Variants in XIRP2 observed in about 807,000 individuals in gnomAD.
XIRP2 encodes the protein xin actin-binding repeat-containing protein 2.
A neutral mutation model predicts 277.0 loss-of-function variants in XIRP2; 236 were observed. That is an observed-to-expected ratio of 0.85 (90% CI 0.77 to 0.95). The LOEUF (loss-of-function observed/expected upper bound fraction) is 0.95. XIRP2 is among the 40% of genes least tolerant of loss of function. XIRP2 has a pLI of 0.00. For missense variants in XIRP2, 4,640 were observed against 4,157.5 expected (o/e 1.12, Z -3.19); for synonymous variants, 1,490 against 1,416.5 (o/e 1.05, Z -1.17).
chr2:166,916,108 A>G (rs1039697842), intron 2 of XIRP2, among the ~76,000 whole-genome samples: 3 of 152,082 alleles, frequency 2.0e-5, no homozygotes, highest in African/African-American at 7.2e-5. Context: ...AGTGTCATTC[A>G]CTCCACTAAT....
chr2:167,028,393 G>A lies in XIRP2; in HGVS notation c.409-107516G>A, dbSNP rs1284576539. Among the ~76,000 whole-genome samples, 5 of 152,118 alleles carry A rather than the reference G, an allele frequency of 3.3e-5. No homozygotes were observed. In the East Asian group the frequency reaches 5.8e-4, roughly 18 times the overall value. On this transcript the variant is annotated intron_variant, in intron 2 of 10. Transcript: ENST00000409195. Reference sequence around the variant, plus strand: ...TCCATTTGTTGAGCAGAAACTAAGAGAAGAGAGCAAAAGTGTCTGCCTGGT... The same window carrying A: ...TCCATTTGTTGAGCAGAAACTAAGAAAAGAGAGCAAAAGTGTCTGCCTGGT...
chr2:166,912,151 G>T (rs1478871079), intron 2 of XIRP2, among the ~76,000 whole-genome samples: 1 of 152,082 alleles, frequency 6.6e-6, no homozygotes, highest in Non-Finnish European at 1.5e-5. Context: ...TTGAATATTG[G>T]CCTGCCTTGC....
chr2:167,131,711 C>T (rs1414505688), intron 2 of XIRP2, among the ~76,000 whole-genome samples: 2 of 152,156 alleles, frequency 1.3e-5, no homozygotes, highest in Non-Finnish European at 2.9e-5. Flanking sequence ...CACTCTCCAT[C>T]ACACTTTATA....
intron 3 of XIRP2, among the ~76,000 whole-genome samples, chr2:167,181,815 A>G (rs1480771562): frequency 6.6e-6 from 1 of 152,104 alleles, no homozygotes; most frequent in African/African-American, 2.4e-5. Flanking sequence ...ATCATTAGAA[A>G]TCCTACTCAG....
rs568615627 is a variant in XIRP2 at position 167,103,014 on chromosome 2, C to T, written c.409-32895C>T. ...AATAGCTGGGCATGGTGGCTCATGC[C>T]TGTAGTCCCAGCTACTTGGAAAGCT... is the stretch of plus-strand genomic sequence containing the variant. On this transcript the variant is annotated intron_variant, in intron 2 of 10. Transcript: ENST00000409195. Among the ~76,000 whole-genome samples, 4 of 152,212 alleles carry T rather than the reference C, an allele frequency of 2.6e-5. No homozygotes were observed. In the East Asian group the frequency reaches 7.7e-4, roughly 29 times the overall value.
chr2:166,948,815 G>A (rs964290522), intron 2 of XIRP2, among the ~76,000 whole-genome samples: 1 of 152,000 alleles, frequency 6.6e-6, no homozygotes, highest in African/African-American at 2.4e-5. Flanking sequence ...CCAACAGAAA[G>A]ACAAGAGAGC....
intron 3 of XIRP2, among the ~76,000 whole-genome samples, chr2:167,164,425 G>A (rs111951583): frequency 0.12 from 14,007 of 117,530 alleles, 725 homozygotes; most frequent in Middle Eastern, 0.29. Context: ...CAGCCTGGGC[G>A]AAAGAGCGAG....
At position 166,934,721 on chromosome 2, in the gene XIRP2, T is replaced by C. The variant is rs144766349; in HGVS notation, c.408+30831T>C. 7.4e-3 allele frequency among the ~76,000 whole-genome samples: 1,120 copies of C among 152,220 alleles called. 9 individuals carry two copies. The highest frequency in any genetic ancestry group is 0.011 in the Non-Finnish European group (776 of 68,004). ...ACCTCTGCCACTTTCCTCTCAAAAA[T>C]GTACAATCAGGCTGGGTGTGGTGGC... On this transcript the variant is annotated intron_variant, in intron 2 of 10. Transcript: ENST00000409195.
intron 2 of XIRP2, among the ~76,000 whole-genome samples, chr2:166,913,321 C>CG (rs891245442): frequency 2.0e-5 from 3 of 151,708 alleles, no homozygotes; most frequent in Non-Finnish European, 4.4e-5. Flanking sequence ...CCCCCCCCCC[C>CG]CAGCCTCGCT....
intron 3 of XIRP2, among the ~76,000 whole-genome samples, chr2:167,208,714 C>G (rs1048593577): frequency 4.6e-5 from 7 of 151,914 alleles, no homozygotes; most frequent in African/African-American, 1.7e-4. Context: ...TGATAAAAAT[C>G]AAATATTTGA....
intron 2 of XIRP2, among the ~76,000 whole-genome samples, chr2:167,026,361 G>A (rs894061212): frequency 1.3e-5 from 2 of 152,064 alleles, no homozygotes; most frequent in African/African-American, 4.8e-5. Context: ...CTGCACGTGA[G>A]ATGGGTTTCC....
chr2:167,176,967 A>C (rs1692864782), intron 3 of XIRP2, among the ~76,000 whole-genome samples: 1 of 152,132 alleles, frequency 6.6e-6, no homozygotes, highest in South Asian at 2.1e-4. Context: ...CACTCAGATT[A>C]AGGGACCAAG....
intron 3 of XIRP2, among the ~76,000 whole-genome samples, chr2:167,188,969 A>G (rs1693244745): frequency 1.3e-5 from 2 of 152,304 alleles, no homozygotes; most frequent in South Asian, 4.1e-4. Context: ...TTCTTCTGTG[A>G]TTACAGAGGA....
intron 2 of XIRP2, among the ~76,000 whole-genome samples, chr2:167,085,561 T>G (rs1403080027): frequency 6.6e-6 from 1 of 152,178 alleles, no homozygotes; most frequent in East Asian, 1.9e-4. Context: ...TCTCCCATTA[T>G]TAATATGTGT....
At position 167,248,782 on chromosome 2, in the gene XIRP2, A is replaced by C. The variant is rs1348805811; in HGVS notation, c.7390A>C (p.Lys2464Gln). ...TAAAATTACTACCTCAAAGGATCAG[A>C]AAAAAGTAATGGTGATGACCAGCAG... ...ECKITTSKDQ[K>Q]KVMVMTSSEH... is the part of the protein sequence containing the mutation. Residue 2464 changes from lysine (K) to glutamine (Q), a missense_variant, in exon 9 of 11, where the codon AAA (lysine) becomes CAA (glutamine). Transcript: ENST00000409195. 1.2e-6 allele frequency: 2 copies of C among 1,613,752 alleles called. No individual in the cohort carries two copies. The highest frequency in any genetic ancestry group is 3.3e-5 in the Admixed American group (2 of 59,964).
rs769704836 is a variant in XIRP2 at position 167,248,253 on chromosome 2, C to A, written c.6861C>A (p.Cys2287Ter). 8 of 1,612,282 alleles carry A rather than the reference C, an allele frequency of 5.0e-6. No individual in the cohort carries two copies. Among genetic ancestry groups the A allele is most frequent in the Non-Finnish European group, 6.8e-6 (8 of 1,179,384 alleles). The change falls in exon 9 of 11, where the codon TGC becomes TGA. Residue 2287 changes from cysteine (C) to a stop codon, truncating the protein, a stop_gained. Transcript: ENST00000409195. LOFTEE classifies it high-confidence loss of function. Reference protein sequence around the residue: ...NPENNVKESECPLPPPSPPPP... With the variant: ...NPENNVKESE ...AGAATAATGTAAAAGAAAGTGAGTG[C>A]CCCCTTCCACCTCCATCTCCACCTC...
intron 2 of XIRP2, among the ~76,000 whole-genome samples, chr2:166,979,173 G>T (rs1237137346): frequency 6.6e-6 from 1 of 151,786 alleles, no homozygotes; most frequent in Non-Finnish European, 1.5e-5. Context: ...TATTTTAATT[G>T]GGAAAGATAC....
At chr2:166,929,708 A>G (rs1685277948) in intron 2 of XIRP2, among the ~76,000 whole-genome samples, 2 of 151,850 alleles carry the variant, frequency 1.3e-5, no homozygotes, top group Admixed American at 6.6e-5. Flanking sequence ...TTTGTTCTTT[A>G]ATTTCTTATG....
At chr2:167,191,269 C>T (rs1693325031) in intron 3 of XIRP2, among the ~76,000 whole-genome samples, 1 of 150,560 alleles carries the variant, frequency 6.6e-6, no homozygotes, top group African/African-American at 2.4e-5. Flanking sequence ...ACCTCAGTAA[C>T]TAGTTCATTT....
Sources: allele counts gnomAD v4.1 joint callset (sites outside exome capture counted in the v4.1 genomes callset), GRCh38; gene constraint gnomAD v4.1.1; transcripts MANE v1.5; gene names NCBI Gene and HGNC (gene_info 2026-07-23, HGNC 2026-07-21).